The following DCC variants were observed in gnomAD, a reference collection of about 807,000 sequenced individuals.
DCC encodes the protein netrin receptor DCC.
DCC carries 58 observed loss-of-function variants against 172.5 expected under a neutral mutation model. The observed-to-expected ratio is 0.34, with a 90% CI of 0.27 to 0.42. The LOEUF (loss-of-function observed/expected upper bound fraction) is 0.42, where lower values mean the gene tolerates loss of function less well. Ranked by LOEUF, DCC falls within the 10% of genes least tolerant of loss-of-function variation. DCC has a pLI of 1.00. For missense variants in DCC, 1,740 were observed against 1,791.0 expected (o/e 0.97, Z 0.51); for synonymous variants, 709 against 644.5 (o/e 1.10, Z -1.52).
chr18:52,549,917 A>G (rs2032719864), intron 1 of DCC, among the ~76,000 whole-genome samples: 1 of 151,820 alleles, frequency 6.6e-6, no homozygotes, highest in African/African-American at 2.4e-5. Context: ...CCCCTTTCTC[A>G]ATGAGGTAGA....
At chr18:53,348,177 A>G (rs952418093) in intron 15 of DCC, among the ~76,000 whole-genome samples, 2 of 152,154 alleles carry the variant, frequency 1.3e-5, no homozygotes, top group African/African-American at 4.8e-5. Flanking sequence ...AACCAAGTTA[A>G]TTATTTCCTA....
Position 53,535,347 on chromosome 18 carries a change from A to C in DCC, c.*4694A>C, listed in dbSNP as rs537635924. 1 of 152,264 alleles carries C rather than the reference A, an allele frequency of 6.6e-6. No individual in the cohort carries two copies. Among genetic ancestry groups the C allele is most frequent in the South Asian group, 2.1e-4 (1 of 4,820 alleles). 9.4% of individuals were successfully genotyped at this position (152,264 alleles called of 1,614,324 possible). On this transcript the variant is annotated 3_prime_UTR_variant, in exon 29 of 29. Coordinates refer to ENST00000442544, the MANE Select transcript of DCC (RefSeq NM_005215.4). ...ATTGTCCATTGCTGAGTATGAAGAG[A>C]TGTCCAGTCCAGGCAAAGCCTTCAC...
chr18:53,351,989 A>G (rs1412183148), intron 15 of DCC, among the ~76,000 whole-genome samples: 1 of 152,090 alleles, frequency 6.6e-6, no homozygotes, highest in Non-Finnish European at 1.5e-5. Flanking sequence ...TAACACCATC[A>G]GATAAATATT....
intron 7 of DCC, among the ~76,000 whole-genome samples, chr18:53,128,830 TACACACACACACAC>T (rs1209652447): frequency 4.6e-5 from 4 of 86,966 alleles, no homozygotes; most frequent in African/African-American, 1.7e-4. Context: ...TGTATACACA[TACACACACACACAC>T]ACACACACAC....
intron 1 of DCC, among the ~76,000 whole-genome samples, chr18:52,466,279 T>C (rs191977344): frequency 9.8e-5 from 15 of 152,304 alleles, no homozygotes; most frequent in Admixed American, 6.5e-5. Context: ...AATATGTCCA[T>C]GGTGGGTCTA....
At chr18:52,818,836 T>G (rs1259855309) in intron 2 of DCC, among the ~76,000 whole-genome samples, 1 of 152,190 alleles carries the variant, frequency 6.6e-6, no homozygotes, top group African/African-American at 2.4e-5. Flanking sequence ...CAATAAAGAA[T>G]CATTACCTCC....
intron 28 of DCC, chr18:53,530,320 G>T: frequency 4.3e-6 from 3 of 702,566 alleles, no homozygotes; most frequent in Non-Finnish European, 7.8e-6. Context: ...CAATCTTTTT[G>T]ACTCTGAAAC....
At chr18:52,905,251 G>T (rs967264866) in intron 2 of DCC, among the ~76,000 whole-genome samples, 3 of 151,352 alleles carry the variant, frequency 2.0e-5, no homozygotes, top group Non-Finnish European at 4.4e-5. Context: ...TCCTTATATT[G>T]GTCATTCATA....
chr18:52,604,356 G>A (rs2144823505), intron 1 of DCC, among the ~76,000 whole-genome samples: 1 of 152,176 alleles, frequency 6.6e-6, no homozygotes, highest in African/African-American at 2.4e-5. Context: ...ATCAGTTATG[G>A]TTTCATTTCA....
intron 8 of DCC, among the ~76,000 whole-genome samples, chr18:53,166,339 C>T (rs12457407): frequency 1.3e-5 from 2 of 151,484 alleles, no homozygotes; most frequent in South Asian, 4.2e-4. Context: ...GGAATGTCCC[C>T]AAGGGCCGTG....
chr18:52,480,243 A>G (rs2029900989), intron 1 of DCC, among the ~76,000 whole-genome samples: 1 of 151,220 alleles, frequency 6.6e-6, no homozygotes, highest in Admixed American at 6.6e-5. Flanking sequence ...ATAATTTATT[A>G]AATAAGAACA....
chr18:53,077,754 T>C (rs1053354218), intron 7 of DCC, among the ~76,000 whole-genome samples: 2 of 152,228 alleles, frequency 1.3e-5, no homozygotes, highest in African/African-American at 2.4e-5. Flanking sequence ...AATGGGTCTG[T>C]CTACCCAGGC....
At chr18:52,820,940 C>T (rs1293926193) in intron 2 of DCC, among the ~76,000 whole-genome samples, 1 of 152,098 alleles carries the variant, frequency 6.6e-6, no homozygotes, top group African/African-American at 2.4e-5. Flanking sequence ...GCTGAACTCA[C>T]CTGGAGAAAA....
chr18:53,395,215 A>G (rs1438828653), intron 17 of DCC, among the ~76,000 whole-genome samples: 1 of 151,768 alleles, frequency 6.6e-6, no homozygotes, highest in East Asian at 1.9e-4. Context: ...TCACAAAGAT[A>G]ACTGGCCATG....
At chr18:52,698,680 C>A (rs1485838057) in intron 1 of DCC, among the ~76,000 whole-genome samples, 1 of 152,040 alleles carries the variant, frequency 6.6e-6, no homozygotes, top group Non-Finnish European at 1.5e-5. Flanking sequence ...CTCACTGCAA[C>A]CTCCACCTCC....
intron 2 of DCC, among the ~76,000 whole-genome samples, chr18:52,779,923 A>T (rs2037503923): frequency 6.6e-6 from 1 of 152,144 alleles, no homozygotes; most frequent in Admixed American, 6.5e-5. Context: ...TCTTTAGTTG[A>T]CTTTGATGCT....
chr18:52,462,222 C>T (rs55986545), intron 1 of DCC, among the ~76,000 whole-genome samples: 32,020 of 152,008 alleles, frequency 0.21, 4,215 homozygotes, highest in Non-Finnish European at 0.29. Context: ...TACCTTTGGC[C>T]CACTACATCA....
intron 5 of DCC, among the ~76,000 whole-genome samples, chr18:53,052,892 C>T (rs1568272578): frequency 6.6e-6 from 1 of 152,184 alleles, no homozygotes; most frequent in East Asian, 1.9e-4. Flanking sequence ...TGCCTAATCC[C>T]AGCACTTTGG....
chr18:53,242,524 A>T (rs942608987), intron 12 of DCC, among the ~76,000 whole-genome samples: 3 of 152,192 alleles, frequency 2.0e-5, no homozygotes, highest in Non-Finnish European at 4.4e-5. Flanking sequence ...CTACTACTGT[A>T]AGCTTTCTTC....
Sources: allele counts gnomAD v4.1 joint callset (sites outside exome capture counted in the v4.1 genomes callset), GRCh38; gene constraint gnomAD v4.1.1; transcripts MANE v1.5; gene names NCBI Gene and HGNC (gene_info 2026-07-23, HGNC 2026-07-21).